The following SLC25A24 variants were observed in gnomAD, a reference collection of about 807,000 sequenced individuals.
SLC25A24 encodes the protein mitochondrial adenyl nucleotide antiporter SLC25A24.
A neutral mutation model predicts 60.7 loss-of-function variants in SLC25A24; 49 were observed. That is an observed-to-expected ratio of 0.81 (90% CI 0.64 to 1.02). SLC25A24 has a LOEUF of 1.02. Among genes scored for constraint, SLC25A24 ranks in the 50% least tolerant of loss-of-function variants. SLC25A24 has a pLI of 0.00. For missense variants in SLC25A24, 564 were observed against 586.3 expected (o/e 0.96, Z 0.39); for synonymous variants, 202 against 200.6 (o/e 1.01, Z -0.06).
intron 5 of SLC25A24, 104 bp downstream of exon 5, chr1:108,157,358 A>G: frequency 4.0e-6 from 5 of 1,258,462 alleles, no homozygotes; most frequent in Non-Finnish European, 5.5e-6. Flanking sequence ...TAGGGTATAA[A>G]AGATTATTAC....
At chr1:108,181,346 A>G (rs1647925124) in intron 3 of SLC25A24, among the ~76,000 whole-genome samples, 1 of 152,216 alleles carries the variant, frequency 6.6e-6, no homozygotes, top group Admixed American at 6.5e-5. Flanking sequence ...CCCTGTGTTT[A>G]TAGCAACAGA....
rs973434663 is a variant in SLC25A24 at position 108,136,676 on chromosome 1, T to C, written c.1411A>G (p.Thr471Ala). 6.2e-7 allele frequency: 1 copy of C among 1,613,572 alleles called. No individual in the cohort carries two copies. Among genetic ancestry groups the C allele is most frequent in the Non-Finnish European group, 8.5e-7 (1 of 1,179,830 alleles). Residue 471 changes from threonine (T) to alanine (A), a missense_variant, in exon 10 of 10, where the codon ACT becomes GCT. By Grantham distance (58) the Thr-to-Ala change is moderately conservative (BLOSUM62 0). Transcript: ENST00000565488. Reference protein sequence around the residue: ...SYVVYENMKQTLGVTQK With the variant: ...SYVVYENMKQALGVTQK ...CATCATTTCTGGGTTACTCCTAAAG[T>C]TTGCTTCATATTTTCATAAACCACA... is the stretch of plus-strand genomic sequence containing the variant.
intron 3 of SLC25A24, 21 bp downstream of exon 3, chr1:108,181,920 T>A: frequency 1.3e-6 from 2 of 1,555,558 alleles, no homozygotes; most frequent in Non-Finnish European, 1.8e-6. Context: ...AGTCAATTGT[T>A]GACCAACATG....
chr1:108,190,727 A>G lies in SLC25A24; in HGVS notation c.184-4773T>C, dbSNP rs1489575607. ...TTTTTTAATCAGTTGAGTTTTGTCT[A>G]TATAAACAAATTTTCCTACTGGGGA... On this transcript the variant is annotated intron_variant, in intron 1 of 9. Coordinates refer to ENST00000565488, the MANE Select transcript of SLC25A24 (RefSeq NM_013386.5). Among the ~76,000 whole-genome samples the G allele has an allele frequency of 4.4e-5, 4 of 90,680 alleles. 1 individual carries two copies. The highest frequency in any genetic ancestry group is 7.5e-5 in the Non-Finnish European group (3 of 40,006). The allele number at this position is 90,680 out of a possible 152,430, so 59.5% of individuals were successfully genotyped here. A position where few individuals can be genotyped will look rare whatever the true frequency, so the allele number is the denominator to read the frequency against.
At chr1:108,192,693 G>A in intron 1 of SLC25A24, 1 of 1,452,510 alleles carries the variant, frequency 6.9e-7, no homozygotes, top group Non-Finnish European at 9.2e-7. Flanking sequence ...CGACGAACGG[G>A]ATCTCTGCCC....
chr1:108,184,876 T>C (rs1315254173), intron 2 of SLC25A24, among the ~76,000 whole-genome samples: 1 of 152,224 alleles, frequency 6.6e-6, no homozygotes, highest in Non-Finnish European at 1.5e-5. Flanking sequence ...ATAACAAGTC[T>C]GTAAATGAAA....
At position 108,181,311 on chromosome 1, in the gene SLC25A24, C is replaced by T. The variant is rs11185299; in HGVS notation, c.398+630G>A. 2.1e-3 allele frequency among the ~76,000 whole-genome samples: 319 copies of T among 152,210 alleles called. 2 individuals carry two copies. Among genetic ancestry groups the T allele is most frequent in the South Asian group, 3.3e-3 (16 of 4,824 alleles). On this transcript the variant is annotated intron_variant, in intron 3 of 9. Coordinates refer to ENST00000565488, the MANE Select transcript of SLC25A24 (RefSeq NM_013386.5). ...CAATATAATTGTCCTTTCTGTTTTA[C>T]GTTATCATAAAAAATCAGTTCCTGC...
At chr1:108,159,296 G>A (rs1197814247) in intron 4 of SLC25A24, among the ~76,000 whole-genome samples, 2 of 152,082 alleles carry the variant, frequency 1.3e-5, no homozygotes, top group Non-Finnish European at 2.9e-5. Context: ...GCAACCATGA[G>A]GTGCTGAGAT....
intron 6 of SLC25A24, among the ~76,000 whole-genome samples, chr1:108,150,161 A>G (rs552703480): frequency 2.6e-5 from 4 of 152,214 alleles, no homozygotes; most frequent in African/African-American, 9.6e-5. Flanking sequence ...TATACCTTGG[A>G]CCCCCACAGC....
intron 3 of SLC25A24, among the ~76,000 whole-genome samples, chr1:108,172,945 AG>A (rs1014632987): frequency 1.3e-5 from 2 of 152,224 alleles, no homozygotes; most frequent in Admixed American, 6.5e-5. Context: ...ATATCCCAAA[AG>A]TACAAAAAAA....
intron 3 of SLC25A24, among the ~76,000 whole-genome samples, chr1:108,164,759 T>C (rs1451371285): frequency 2.2e-5 from 2 of 92,232 alleles, no homozygotes; most frequent in African/African-American, 1.0e-4. Flanking sequence ...CTGGATTCAT[T>C]AATTTTTTGA....
At chr1:108,137,569 C>A (rs1347592966) in intron 9 of SLC25A24, among the ~76,000 whole-genome samples, 1 of 152,084 alleles carries the variant, frequency 6.6e-6, no homozygotes, top group Non-Finnish European at 1.5e-5. Context: ...GAACTGACAC[C>A]GAAAGGCTGC....
chr1:108,136,728 C>G lies in SLC25A24; in HGVS notation c.1359G>C (p.Lys453Asn). The change falls in exon 10 of 10, where the codon AAG becomes AAC. Residue 453 changes from lysine (K) to asparagine (N), a missense_variant. Lys to Asn is a moderately conservative substitution (Grantham distance 94). Coordinates refer to ENST00000565488, the MANE Select transcript of SLC25A24 (RefSeq NM_013386.5). ...LYRGITPNFM[K>N]VLPAVGISYV... ...AACTGATGCCTACAGCAGGGAGCACCTTCATGAAGTTTGGGGTGATGCCTC... is the reference window on the plus strand; with the variant it reads ...AACTGATGCCTACAGCAGGGAGCACGTTCATGAAGTTTGGGGTGATGCCTC... The G allele has an allele frequency of 1.2e-6, 2 of 1,614,106 alleles. No homozygotes were observed. The highest frequency in any genetic ancestry group is 1.7e-6 in the Non-Finnish European group (2 of 1,179,988).
chr1:108,174,594 A>G (rs1647603548), intron 3 of SLC25A24, among the ~76,000 whole-genome samples: 1 of 152,110 alleles, frequency 6.6e-6, no homozygotes, highest in Admixed American at 6.5e-5. Flanking sequence ...AAAGAGGGCC[A>G]CCATCCTCCA....
At chr1:108,182,083 G>A (rs1647950395) in intron 2 of SLC25A24, 55 bp from the exon 3 acceptor site, 8 of 1,108,802 alleles carry the variant, frequency 7.2e-6, no homozygotes, top group African/African-American at 1.6e-5. Context: ...AAGAACCACA[G>A]AAATTATGAA....
At chr1:108,182,730 G>A (rs1387075252) in intron 2 of SLC25A24, among the ~76,000 whole-genome samples, 1 of 152,106 alleles carries the variant, frequency 6.6e-6, no homozygotes, top group African/African-American at 2.4e-5. Flanking sequence ...CTACTTGGGA[G>A]GCTAAAAGAG....
chr1:108,172,341 A>G (rs1647492875), intron 3 of SLC25A24, among the ~76,000 whole-genome samples: 1 of 152,192 alleles, frequency 6.6e-6, no homozygotes, highest in Admixed American at 6.5e-5. Context: ...GTTTTAAACG[A>G]ACACCTGAGA....
In SLC25A24 at chr1:108,135,216, A is replaced by G. The variant is rs1289178390; in HGVS notation, c.*1437T>C. On this transcript the variant is annotated 3_prime_UTR_variant, in exon 10 of 10. Transcript: ENST00000565488. ...CTGAGACATTTATCAAACATAACTAATATAAATGAAACTACATTTTTAAAA... is the reference window on the plus strand; with the variant it reads ...CTGAGACATTTATCAAACATAACTAGTATAAATGAAACTACATTTTTAAAA... The G allele has an allele frequency of 3.3e-5, 5 of 152,568 alleles. No individual in the cohort carries two copies. Among genetic ancestry groups the G allele is most frequent in the African/African-American group, 1.2e-4 (5 of 41,456 alleles). The allele number at this position is 152,568 out of a possible 1,614,324, so 9.5% of individuals were successfully genotyped here.
intron 2 of SLC25A24, among the ~76,000 whole-genome samples, chr1:108,184,181 A>G (rs1416157906): frequency 6.6e-6 from 1 of 152,388 alleles, no homozygotes; most frequent in Non-Finnish European, 1.5e-5. Context: ...TTAGAATTTT[A>G]TAAAATGAAC....
Sources: gnomAD v4.1 joint callset for allele counts (sites outside exome capture counted in the v4.1 genomes callset) on GRCh38, gnomAD v4.1.1 for gene constraint, MANE v1.5 for transcripts, NCBI Gene and HGNC (gene_info 2026-07-23, HGNC 2026-07-21) for gene names.